The following TFEC variants were observed in gnomAD, a reference collection of about 807,000 sequenced individuals.
TFEC encodes the protein transcription factor EC, also known as class E basic helix-loop-helix protein 34.
Under a neutral mutation model 41.6 loss-of-function variants are expected in TFEC, and 31 were observed. That is an observed-to-expected ratio of 0.74 (90% CI 0.56 to 1.01). The LOEUF (loss-of-function observed/expected upper bound fraction) is 1.01, where lower values mean the gene tolerates loss of function less well. Ranked by LOEUF, TFEC falls within the 50% of genes least tolerant of loss-of-function variation. The pLI is 0.00. For synonymous variants in TFEC, 143 were observed against 140.6 expected, an observed-to-expected ratio of 1.02 and a Z score of -0.12; for missense variants, 402 against 404.1, an observed-to-expected ratio of 0.99 and a Z score of 0.04.
At chr7:116,004,150 A>C (rs1406516965) in intron 1 of TFEC, among the ~76,000 whole-genome samples, 1 of 152,170 alleles carries the variant, frequency 6.6e-6, no homozygotes, top group African/African-American at 2.4e-5. Context: ...AATAAAGTTG[A>C]AAACAGGAAA....
chr7:115,986,707 T>C (rs1584642376), intron 1 of TFEC, among the ~76,000 whole-genome samples: 2 of 134,002 alleles, frequency 1.5e-5, no homozygotes, highest in Admixed American at 1.7e-4. Flanking sequence ...ATGAGAACAC[T>C]TGGACACACA....
intron 1 of TFEC, among the ~76,000 whole-genome samples, chr7:116,141,600 C>A (rs1004137611): frequency 6.6e-6 from 1 of 152,114 alleles, no homozygotes; most frequent in African/African-American, 2.4e-5. Context: ...TGTTAATGAC[C>A]ACCATCCAAA....
upstream of TFEC, among the ~76,000 whole-genome samples, chr7:116,034,848 T>C (rs115434100): frequency 6.8e-4 from 104 of 152,160 alleles, no homozygotes; most frequent in African/African-American, 2.4e-3. Context: ...TCTAAGGTCC[T>C]AGGCCTACAC....
chr7:116,142,558 G>A (rs1269629236), intron 1 of TFEC, among the ~76,000 whole-genome samples: 1 of 152,134 alleles, frequency 6.6e-6, no homozygotes, highest in African/African-American at 2.4e-5. Context: ...GAAACTTAGA[G>A]AAGTCAAATG....
At position 115,956,717 on chromosome 7, in the gene TFEC, G is replaced by A; in HGVS notation, c.344C>T (p.Ser115Phe). 6.2e-7 allele frequency: 1 copy of A among 1,610,178 alleles called. No individual in the cohort carries two copies. The highest frequency in any genetic ancestry group is 8.5e-7 in the Non-Finnish European group (1 of 1,177,820). Residue 115 changes from serine to phenylalanine, a missense_variant, in exon 4 of 8, where the codon TCT becomes TTT. Coordinates refer to ENST00000265440, the MANE Select transcript of TFEC (RefSeq NM_012252.4). The stretch of plus-strand genomic sequence containing the variant: ...TTTCATTGGTAGACTACTTGGACAA[G>A]AAGCACTTGTAAGCCCCATGTTAAT... ...SPINMGLTSASCPSSLPMKRE... is the reference protein window; with the variant it reads ...SPINMGLTSAFCPSSLPMKRE...
At chr7:116,123,215 A>T (rs1798143520) in intron 1 of TFEC, among the ~76,000 whole-genome samples, 1 of 152,146 alleles carries the variant, frequency 6.6e-6, no homozygotes. Flanking sequence ...GCACTTGAAC[A>T]AGATGCATTG....
chr7:115,978,669 GTTA>G (rs1793492681), intron 2 of TFEC, among the ~76,000 whole-genome samples: 1 of 152,032 alleles, frequency 6.6e-6, no homozygotes, highest in African/African-American at 2.4e-5. Flanking sequence ...CCCTTTTGTT[GTTA>G]TTTTTATTCA....
chr7:116,130,793 G>A (rs1562980780), intron 1 of TFEC, among the ~76,000 whole-genome samples: 1 of 152,036 alleles, frequency 6.6e-6, no homozygotes, highest in African/African-American at 2.4e-5. Flanking sequence ...TTCATTTTTT[G>A]TAGAGATAGT....
chr7:116,011,318 G>T (rs568032813), intron 1 of TFEC, among the ~76,000 whole-genome samples: 1 of 152,170 alleles, frequency 6.6e-6, no homozygotes, highest in Non-Finnish European at 1.5e-5. Context: ...AGACTATCCT[G>T]CATGCTTTGA....
At chr7:116,156,892 C>A (rs1013588373) in intron 1 of TFEC, among the ~76,000 whole-genome samples, 1 of 152,178 alleles carries the variant, frequency 6.6e-6, no homozygotes, top group Non-Finnish European at 1.5e-5. Context: ...TTCTGTTCCA[C>A]ATATACATTT....
intron 3 of TFEC, among the ~76,000 whole-genome samples, chr7:115,965,785 T>A (rs1445009508): frequency 1.3e-5 from 2 of 151,740 alleles, no homozygotes; most frequent in Non-Finnish European, 2.9e-5. Context: ...ATCCATCTAT[T>A]CTTATCAGGA....
chr7:116,047,276 C>A (rs555524124), intron 3 of TFEC, among the ~76,000 whole-genome samples: 3 of 152,212 alleles, frequency 2.0e-5, no homozygotes, highest in South Asian at 2.1e-4. Context: ...ACAGAGGGTA[C>A]CTGGAAAATC....
rs181828854 is a variant in TFEC at position 116,122,815 on chromosome 7, C to T, written c.-68-10777G>A. On this transcript the variant is annotated intron_variant, in intron 1 of 8. Transcript: ENST00000484212. ...CCCAGCTGCCTATGCCCCTTCCCCC[C>T]ACTTTCCTCATTGTGGCCAACACTG... Among the ~76,000 whole-genome samples the T allele has an allele frequency of 7.9e-4, 120 of 152,200 alleles. 1 individual carries two copies. The East Asian group carries it at 0.019, about 25-fold the overall frequency.
chr7:116,122,830 G>A (rs1798134842), intron 1 of TFEC, among the ~76,000 whole-genome samples: 1 of 152,014 alleles, frequency 6.6e-6, no homozygotes, highest in South Asian at 2.1e-4. Context: ...TCCTCATTGT[G>A]GCCAACACTG....
chr7:116,119,848 A>C (rs557585263), intron 1 of TFEC, among the ~76,000 whole-genome samples: 121 of 151,974 alleles, frequency 8.0e-4, no homozygotes, highest in African/African-American at 2.6e-3. Context: ...AAAGGAATTT[A>C]AACAGTGGAA....
rs746417878 is a variant in TFEC, at chr7:115,935,691, G to A, written c.*4860C>T. The A allele has an allele frequency of 1.1e-4, 17 of 151,394 alleles. No individual in the cohort carries two copies. The highest frequency in any genetic ancestry group is 2.2e-4 in the Non-Finnish European group (15 of 67,530). 9.4% of individuals were successfully genotyped at this position (151,394 alleles called of 1,614,324 possible). On this transcript the variant is annotated 3_prime_UTR_variant, in exon 8 of 8. Coordinates refer to ENST00000265440, the MANE Select transcript of TFEC (RefSeq NM_012252.4). ...CACAAGAACAAAATTTATATTCTAT[G>A]GAAAAAATACAGTGACAATATAGAA...
chr7:116,023,003 C>A (rs1795456568), intron 1 of TFEC, among the ~76,000 whole-genome samples: 1 of 151,712 alleles, frequency 6.6e-6, no homozygotes, highest in African/African-American at 2.4e-5. Flanking sequence ...TAAAATGTAA[C>A]CAGCTTGCTT....
chr7:115,940,269 A>C lies in TFEC; in HGVS notation c.*282T>G. The stretch of plus-strand genomic sequence containing the variant: ...GTTGCTGCTTTTAAAACATCAATAA[A>C]GAGCTATTTCTTATGCTGTACCTCT... On this transcript the variant is annotated 3_prime_UTR_variant, in exon 8 of 8. Coordinates refer to ENST00000265440, the MANE Select transcript of TFEC (RefSeq NM_012252.4). 3.7e-6 allele frequency: 1 copy of C among 271,554 alleles called. No homozygotes were observed. 16.8% of individuals were successfully genotyped at this position (271,554 alleles called of 1,614,324 possible).
chr7:116,005,092 G>A (rs1477775841), intron 1 of TFEC, among the ~76,000 whole-genome samples: 1 of 152,182 alleles, frequency 6.6e-6, no homozygotes, highest in Admixed American at 6.5e-5. Flanking sequence ...GAAACTGTAA[G>A]TTGATTAAAC....
Sources: gnomAD v4.1 joint callset for allele counts (sites outside exome capture counted in the v4.1 genomes callset) on GRCh38, gnomAD v4.1.1 for gene constraint, MANE v1.5 for transcripts, NCBI Gene and HGNC (gene_info 2026-07-23, HGNC 2026-07-21) for gene names.